MAD1L1: variants seen among roughly 807,000 people sequenced by gnomAD.
MAD1L1 encodes the protein mitotic spindle assembly checkpoint protein MAD1.
A neutral mutation model predicts 96.9 loss-of-function variants in MAD1L1; 95 were observed. The observed-to-expected ratio is 0.98, with a 90% CI of 0.83 to 1.16. The LOEUF (loss-of-function observed/expected upper bound fraction) is 1.16, where lower values mean the gene tolerates loss of function less well. MAD1L1 is among the 50% of genes most tolerant of loss of function. MAD1L1 has a pLI of 0.00. For missense variants in MAD1L1, 1,007 were observed against 954.4 expected (o/e 1.06, Z -0.73); for synonymous variants, 473 against 396.6 (o/e 1.19, Z -2.29).
chr7:1,931,300 C>T (rs979999220), intron 17 of MAD1L1, among the ~76,000 whole-genome samples: 3 of 152,252 alleles, frequency 2.0e-5, no homozygotes, highest in Admixed American at 2.0e-4. Flanking sequence ...CAAGGGTCTG[C>T]TGACACTGCG....
chr7:1,869,562 G>A (rs1723348316), intron 18 of MAD1L1, among the ~76,000 whole-genome samples: 2 of 152,086 alleles, frequency 1.3e-5, no homozygotes, highest in Admixed American at 1.3e-4. Flanking sequence ...GTATCACAGG[G>A]ACCCGGGAAA....
chr7:1,886,551 A>C (rs1048206439), intron 18 of MAD1L1, among the ~76,000 whole-genome samples: 1 of 152,108 alleles, frequency 6.6e-6, no homozygotes, highest in Non-Finnish European at 1.5e-5. Context: ...CGGGCGGGAG[A>C]GGGCCCACCT....
intron 14 of MAD1L1, among the ~76,000 whole-genome samples, chr7:1,997,799 G>A (rs1318436065): frequency 6.6e-6 from 1 of 152,202 alleles, no homozygotes; most frequent in Non-Finnish European, 1.5e-5. Flanking sequence ...CCCTTGCCTG[G>A]CACTGCTCTC....
chr7:2,094,015 GC>G (rs1472773744), intron 11 of MAD1L1, among the ~76,000 whole-genome samples: 6 of 152,222 alleles, frequency 3.9e-5, no homozygotes, highest in African/African-American at 1.4e-4. Context: ...CCACGCGGGC[GC>G]AGACGGTCGT....
intron 11 of MAD1L1, among the ~76,000 whole-genome samples, chr7:2,128,185 G>T (rs1012393998): frequency 7.2e-5 from 11 of 152,112 alleles, no homozygotes; most frequent in African/African-American, 2.7e-4. Flanking sequence ...CAATTGTCCT[G>T]GTTTGCATAC....
chr7:1,884,493 C>A (rs1005966836), intron 18 of MAD1L1, among the ~76,000 whole-genome samples: 3 of 152,258 alleles, frequency 2.0e-5, no homozygotes, highest in African/African-American at 4.8e-5. Flanking sequence ...GATTCCCCAC[C>A]ACATGGAGGC....
chr7:2,135,856 G>T (rs908419018), intron 11 of MAD1L1, among the ~76,000 whole-genome samples: 2 of 152,274 alleles, frequency 1.3e-5, no homozygotes, highest in African/African-American at 4.8e-5. Context: ...TGAGTCCAAG[G>T]ATCTCTATTT....
intron 10 of MAD1L1, among the ~76,000 whole-genome samples, chr7:2,161,278 C>A (rs1233458291): frequency 1.3e-5 from 2 of 151,768 alleles, no homozygotes; most frequent in South Asian, 2.1e-4. Context: ...GACTGGTTTT[C>A]GTATTTTTTG....
chr7:2,221,434 G>A (rs933777567), intron 5 of MAD1L1, among the ~76,000 whole-genome samples: 6 of 152,006 alleles, frequency 3.9e-5, no homozygotes, highest in Admixed American at 6.6e-5. Flanking sequence ...TCCCCAGCAC[G>A]GCCACAGGAA....
At chr7:1,837,967 C>T (rs1783025253) in intron 18 of MAD1L1, among the ~76,000 whole-genome samples, 1 of 152,236 alleles carries the variant, frequency 6.6e-6, no homozygotes, top group Admixed American at 6.5e-5. Flanking sequence ...TGTCACAGGC[C>T]AGCCTGGTGA....
chr7:2,039,834 G>C (rs1453400792), intron 12 of MAD1L1, among the ~76,000 whole-genome samples: 1 of 151,926 alleles, frequency 6.6e-6, no homozygotes, highest in African/African-American at 2.4e-5. Context: ...CTCTTCACAG[G>C]AACTTTCACG....
At chr7:1,923,482 G>A (rs143228848) in intron 17 of MAD1L1, among the ~76,000 whole-genome samples, 43 of 133,498 alleles carry the variant, frequency 3.2e-4, no homozygotes, top group Non-Finnish European at 5.7e-4. Context: ...CTTCCGCCCC[G>A]GCAGCCGGGC....
chr7:2,093,064 C>T (rs1454425621), intron 11 of MAD1L1, among the ~76,000 whole-genome samples: 2 of 150,726 alleles, frequency 1.3e-5, no homozygotes, highest in African/African-American at 2.4e-5. Flanking sequence ...GGTGAAACCC[C>T]GTCTCTACAA....
chr7:1,949,360 C>T (rs1164146698), intron 16 of MAD1L1, among the ~76,000 whole-genome samples: 1 of 152,204 alleles, frequency 6.6e-6, no homozygotes, highest in African/African-American at 2.4e-5. Context: ...CGCAGTGAAA[C>T]CAAAGACGTG....
At chr7:1,941,651 C>A (rs185863840) in intron 16 of MAD1L1, among the ~76,000 whole-genome samples, 69 of 152,350 alleles carry the variant, frequency 4.5e-4, no homozygotes, top group African/African-American at 1.6e-3. Context: ...CCTGCTCTCC[C>A]GGAGCCACAG....
rs543421761 is a variant in MAD1L1 at position 2,142,740 on chromosome 7, G to A, written c.1073+6412C>T. ...CCGAACGGACGCAACAAGGCCTCTG[G>A]CCATGTCAAACCCCAGGGGCCCCCT... On this transcript the variant is annotated intron_variant, in intron 11 of 18. Transcript: ENST00000265854. The surrounding 1 kb of genome is among the most constrained non-coding windows in gnomAD (Gnocchi z 4.7). Among the ~76,000 whole-genome samples the A allele has an allele frequency of 3.9e-5, 6 of 152,340 alleles. No homozygotes were observed. The South Asian group carries it at 1.2e-3, about 32-fold the overall frequency.
chr7:1,896,202 C>A (rs1043598638), intron 18 of MAD1L1, among the ~76,000 whole-genome samples: 2 of 152,192 alleles, frequency 1.3e-5, no homozygotes, highest in Non-Finnish European at 2.9e-5. Flanking sequence ...GGCTCCAAGG[C>A]GGAAAGGAGG....
At chr7:1,867,854 A>C (rs565684348) in intron 18 of MAD1L1, among the ~76,000 whole-genome samples, 4 of 152,350 alleles carry the variant, frequency 2.6e-5, no homozygotes, top group African/African-American at 9.6e-5. Flanking sequence ...ACGACTTATT[A>C]AAAATAAATG....
chr7:2,070,554 C>T lies in MAD1L1; in HGVS notation c.1074-1216G>A, dbSNP rs1018007036. On this transcript the variant is annotated intron_variant, in intron 11 of 18. Coordinates refer to ENST00000265854, the MANE Select transcript of MAD1L1 (RefSeq NM_001013836.2). ...CCACACCGGGGAGGGTGCGAGTCCG[C>T]GGAGGGAGGGCCCATCCCTACTCAG... Among the ~76,000 whole-genome samples, 8 of 149,578 alleles carry T rather than the reference C, an allele frequency of 5.3e-5. No individual in the cohort carries two copies. The East Asian group carries it at 1.5e-3, about 28-fold the overall frequency.
Sources: gnomAD v4.1 joint callset for allele counts (sites outside exome capture counted in the v4.1 genomes callset) on GRCh38, gnomAD v4.1.1 for gene constraint, Gnocchi (gnomAD v3.1) non-coding constraint, MANE v1.5 for transcripts, NCBI Gene and HGNC (gene_info 2026-07-23, HGNC 2026-07-21) for gene names.